The following DDAH1 variants were observed in gnomAD, a reference collection of about 807,000 sequenced individuals.
The protein encoded by DDAH1 is dimethylarginine dimethylaminohydrolase 1, also known as N(G),N(G)-dimethylarginine dimethylaminohydrolase 1.
Under a neutral mutation model 28.8 loss-of-function variants are expected in DDAH1, and 19 were observed. That is an observed-to-expected ratio of 0.66 (90% CI 0.46 to 0.97). The LOEUF (loss-of-function observed/expected upper bound fraction) is 0.97, where lower values mean the gene tolerates loss of function less well. Ranked by LOEUF, DDAH1 falls within the 50% of genes least tolerant of loss-of-function variation. The pLI, the probability that DDAH1 is intolerant of heterozygous loss-of-function variation, is 0.00. For missense variants in DDAH1, 326 were observed against 375.9 expected, an observed-to-expected ratio of 0.87 and a Z score of 1.10; for synonymous variants, 153 against 154.4, an observed-to-expected ratio of 0.99 and a Z score of 0.07.
intron 1 of DDAH1, among the ~76,000 whole-genome samples, chr1:85,441,400 G>T (rs1360696919): frequency 1.3e-5 from 2 of 152,158 alleles, no homozygotes; most frequent in African/African-American, 4.8e-5. Context: ...ACTTAGCTGG[G>T]CGTGGTGGCA....
At chr1:85,481,522 T>TG (rs1397036292) in intron 2 of DDAH1, among the ~76,000 whole-genome samples, 1 of 152,250 alleles carries the variant, frequency 6.6e-6, no homozygotes, top group African/African-American at 2.4e-5. Flanking sequence ...CCCATGTGAA[T>TG]GATATCACTT....
At chr1:85,446,280 C>G (rs1313954658) in intron 1 of DDAH1, among the ~76,000 whole-genome samples, 1 of 152,128 alleles carries the variant, frequency 6.6e-6, no homozygotes, top group Non-Finnish European at 1.5e-5. Flanking sequence ...AACTTCTTCA[C>G]AAGAAGGCAG....
chr1:85,369,621 C>T (rs1475382852), intron 1 of DDAH1, among the ~76,000 whole-genome samples: 7 of 152,174 alleles, frequency 4.6e-5, no homozygotes, highest in Non-Finnish European at 1.0e-4. Flanking sequence ...ATTCAACAAA[C>T]ATTTATTCAG....
At chr1:85,407,236 AT>A (rs1652448426) in intron 1 of DDAH1, among the ~76,000 whole-genome samples, 1 of 152,230 alleles carries the variant, frequency 6.6e-6, no homozygotes, top group Non-Finnish European at 1.5e-5. Context: ...ACATTTTAAA[AT>A]TTAATACAGT....
At chr1:85,475,845 G>A (rs1029452476) in intron 2 of DDAH1, among the ~76,000 whole-genome samples, 4 of 151,854 alleles carry the variant, frequency 2.6e-5, no homozygotes, top group Non-Finnish European at 5.9e-5. Flanking sequence ...TTGTTTGTTC[G>A]TTTGTTTTTG....
chr1:85,464,771 C>T lies in DDAH1; in HGVS notation c.275G>A (p.Arg92Gln), dbSNP rs1655280539. The change falls in exon 1 of 6, where the codon CGA becomes CAA. Residue 92 changes from arginine (R) to glutamine (Q), a missense_variant. Transcript: ENST00000284031. This position sits in a 1 kb window ranked among gnomAD's most constrained non-coding sequence, Gnocchi z 4.4. Reference protein sequence around the residue: ...VVCEETALITRPGAPSRRKEV... With the variant: ...VVCEETALITQPGAPSRRKEV... Reference sequence around the variant, plus strand: ...CTTCCTCCGGCTCGGCGCCCCGGGTCGGGTGATGAGGGCCGTCTCCTCGCA... The same window carrying T: ...CTTCCTCCGGCTCGGCGCCCCGGGTTGGGTGATGAGGGCCGTCTCCTCGCA... 1 of 1,563,456 alleles carries T rather than the reference C, an allele frequency of 6.4e-7. No homozygotes were observed.
intron 1 of DDAH1, among the ~76,000 whole-genome samples, chr1:85,372,968 C>T (rs1650462999): frequency 7.5e-6 from 1 of 133,752 alleles, no homozygotes; most frequent in Non-Finnish European, 1.7e-5. Flanking sequence ...CACAATCTGT[C>T]GGCAAAAAAC....
intron 1 of DDAH1, among the ~76,000 whole-genome samples, chr1:85,427,717 C>CAAAG (rs1005079647): frequency 1.3e-5 from 2 of 152,086 alleles, no homozygotes; most frequent in African/African-American, 4.8e-5. Context: ...AAGGATGTAA[C>CAAAG]AAAGAAAGAG....
chr1:85,329,854 T>C (rs1219243194), intron 4 of DDAH1, among the ~76,000 whole-genome samples: 1 of 152,316 alleles, frequency 6.6e-6, no homozygotes, highest in East Asian at 1.9e-4. Flanking sequence ...TTACAAAAGT[T>C]ATGTCAGGTG....
chr1:85,451,919 C>G (rs189787449), intron 1 of DDAH1, among the ~76,000 whole-genome samples: 1 of 152,238 alleles, frequency 6.6e-6, no homozygotes, highest in Admixed American at 6.5e-5. Context: ...GCTATAATAT[C>G]ACAACATTAT....
intron 1 of DDAH1, among the ~76,000 whole-genome samples, chr1:85,537,636 A>G (rs1288252567): frequency 6.8e-6 from 1 of 147,264 alleles, no homozygotes; most frequent in Non-Finnish European, 1.5e-5. Context: ...AGTAATAGCA[A>G]TAAGTTCCCT....
intron 1 of DDAH1, among the ~76,000 whole-genome samples, chr1:85,531,939 TA>T (rs1419444226): frequency 6.6e-6 from 1 of 152,126 alleles, no homozygotes; most frequent in East Asian, 1.9e-4. Flanking sequence ...GGTTCTACAA[TA>T]AATTAAGGCA....
intron 1 of DDAH1, among the ~76,000 whole-genome samples, chr1:85,541,397 GAGA>G (rs1281241938): frequency 2.0e-5 from 3 of 152,238 alleles, no homozygotes; most frequent in East Asian, 1.9e-4. Context: ...CTGCCTGGAA[GAGA>G]AGGAGTTGCT....
chr1:85,350,639 C>A (rs1334207164), intron 3 of DDAH1, 105 bp from the exon 4 acceptor site: 32 of 1,329,858 alleles, frequency 2.4e-5, no homozygotes, highest in Non-Finnish European at 3.3e-5. Flanking sequence ...CTGACAGGGA[C>A]CTTGAATATT....
At chr1:85,498,938 T>TA (rs988314728) in intron 1 of DDAH1, among the ~76,000 whole-genome samples, 1 of 150,134 alleles carries the variant, frequency 6.7e-6, no homozygotes, top group East Asian at 2.0e-4. Context: ...ATAAAAATAA[T>TA]AAAAAAAATT....
intron 1 of DDAH1, among the ~76,000 whole-genome samples, chr1:85,510,530 C>T (rs182932192): frequency 1.3e-5 from 2 of 152,146 alleles, no homozygotes; most frequent in East Asian, 3.9e-4. Context: ...GGACTAAATG[C>T]CCCAATTAAA....
At chr1:85,461,902 T>C (rs1655139816) in intron 1 of DDAH1, among the ~76,000 whole-genome samples, 1 of 152,192 alleles carries the variant, frequency 6.6e-6, no homozygotes, top group African/African-American at 2.4e-5. Context: ...GGACTAGAGC[T>C]TTGGAGTTCT....
intron 1 of DDAH1, among the ~76,000 whole-genome samples, chr1:85,510,535 A>G (rs1320683207): frequency 6.6e-6 from 1 of 152,206 alleles, no homozygotes; most frequent in Admixed American, 6.5e-5. Flanking sequence ...AAATGCCCCA[A>G]TTAAAAGACA....
intron 1 of DDAH1, among the ~76,000 whole-genome samples, chr1:85,533,032 TGTC>T (rs1658144521): frequency 6.6e-6 from 1 of 152,198 alleles, no homozygotes; most frequent in Admixed American, 6.5e-5. Context: ...AAATCATAGT[TGTC>T]ATTTCTAGGT....
Sources: allele counts gnomAD v4.1 joint callset (sites outside exome capture counted in the v4.1 genomes callset), GRCh38; gene constraint gnomAD v4.1.1; non-coding constraint Gnocchi (gnomAD v3.1); transcripts MANE v1.5; gene names NCBI Gene and HGNC (gene_info 2026-07-23, HGNC 2026-07-21).